LMX1A: variants seen among roughly 807,000 people sequenced by gnomAD.
LMX1A encodes the protein LIM homeobox transcription factor 1-alpha.
Under a neutral mutation model 49.1 loss-of-function variants are expected in LMX1A, and 15 were observed. That is an observed-to-expected ratio of 0.31 (90% CI 0.20 to 0.47). The LOEUF is 0.47. Ranked by LOEUF, LMX1A falls within the 20% of genes least tolerant of loss-of-function variation. The pLI is 1.00. For synonymous variants in LMX1A, 167 were observed against 185.7 expected, an observed-to-expected ratio of 0.90 and a Z score of 0.82; for missense variants, 372 against 475.8, an observed-to-expected ratio of 0.78 and a Z score of 2.03.
At chr1:165,353,035 T>C in intron 3 of LMX1A, 41 bp downstream of exon 3, 1 of 1,591,302 alleles carries the variant, frequency 6.3e-7, no homozygotes, top group South Asian at 1.1e-5. Flanking sequence ...CGCACACTGA[T>C]GCCAGTGCGC....
chr1:165,252,306 G>C (rs1653089710), intron 3 of LMX1A, among the ~76,000 whole-genome samples: 1 of 152,152 alleles, frequency 6.6e-6, no homozygotes, highest in African/African-American at 2.4e-5. Context: ...ACACATAATA[G>C]ATATCCAATA....
At chr1:165,208,526 G>T (rs1306523058) in intron 6 of LMX1A, among the ~76,000 whole-genome samples, 1 of 152,236 alleles carries the variant, frequency 6.6e-6, no homozygotes, top group African/African-American at 2.4e-5. Context: ...CTAAGAGGCT[G>T]TTCCTTTCCT....
chr1:165,215,987 G>A (rs1651629299), intron 4 of LMX1A: 1 of 152,156 alleles, frequency 6.6e-6, no homozygotes, highest in African/African-American at 2.4e-5. Context: ...GGTATGAAAA[G>A]GGTGTCTTTT....
intron 3 of LMX1A, among the ~76,000 whole-genome samples, chr1:165,264,420 G>GCACA (rs145931955): frequency 1.7e-4 from 26 of 151,218 alleles, no homozygotes; most frequent in African/African-American, 4.1e-4. Context: ...GCATATGCTC[G>GCACA]CACACACACA....
intron 3 of LMX1A, among the ~76,000 whole-genome samples, chr1:165,310,444 A>T (rs1655043729): frequency 6.6e-6 from 1 of 152,342 alleles, no homozygotes; most frequent in Admixed American, 6.5e-5. Flanking sequence ...ACAAAGTCAA[A>T]GTTGCCTCTA....
At chr1:165,301,012 C>G (rs1654759106) in intron 3 of LMX1A, among the ~76,000 whole-genome samples, 1 of 152,214 alleles carries the variant, frequency 6.6e-6, no homozygotes, top group African/African-American at 2.4e-5. Context: ...CAGATATCTG[C>G]TTTCCTTATT....
intron 3 of LMX1A, among the ~76,000 whole-genome samples, chr1:165,295,322 T>C (rs993388033): frequency 6.6e-6 from 1 of 151,662 alleles, no homozygotes; most frequent in African/African-American, 2.4e-5. Flanking sequence ...TATTTATAGA[T>C]AGTAAGATGA....
intron 4 of LMX1A, among the ~76,000 whole-genome samples, chr1:165,246,569 G>A (rs1652855360): frequency 6.6e-6 from 1 of 152,106 alleles, no homozygotes; most frequent in Admixed American, 6.5e-5. Flanking sequence ...CATTTCCTGT[G>A]TTAAATCAAA....
chr1:165,283,468 C>T lies in LMX1A; in HGVS notation c.264-33828G>A, dbSNP rs73013437. Among the ~76,000 whole-genome samples the T allele has an allele frequency of 3.5e-3, 532 of 152,238 alleles. 3 individuals carry two copies. Among genetic ancestry groups the T allele is most frequent in the African/African-American group, 0.012 (505 of 41,524 alleles). On this transcript the variant is annotated intron_variant, in intron 3 of 8. Transcript: ENST00000342310. ...TGGTCAAATGTCCTGCCTGGAACCT[C>T]CTCCTCCTCTTCTTTTTCCTCCTCT...
At chr1:165,354,933 A>C (rs577915516) in intron 2 of LMX1A, among the ~76,000 whole-genome samples, 253 of 152,160 alleles carry the variant, frequency 1.7e-3, no homozygotes, top group African/African-American at 6.0e-3. Flanking sequence ...ACAGGACCCG[A>C]CATCCAGCTC....
intron 3 of LMX1A, among the ~76,000 whole-genome samples, chr1:165,285,975 G>A (rs185805049): frequency 1.3e-4 from 20 of 152,270 alleles, no homozygotes; most frequent in Admixed American, 1.3e-3. Flanking sequence ...AGAAAAGACA[G>A]TCCAAGGCTT....
intron 4 of LMX1A, among the ~76,000 whole-genome samples, chr1:165,228,502 CAGG>C (rs973308644): frequency 6.6e-6 from 1 of 152,192 alleles, no homozygotes; most frequent in Non-Finnish European, 1.5e-5. Context: ...AGGCTGGCCC[CAGG>C]ATGATTTAGT....
Position 165,285,340 on chromosome 1 carries a change from G to A in LMX1A, c.264-35700C>T, listed in dbSNP as rs562377304. On this transcript the variant is annotated intron_variant, in intron 3 of 8. Transcript: ENST00000342310. ...TCAGCTATAAAATGAGACCCATTCA[G>A]ACTGTGTTTGAAAATCCTTCCAGTT... Among the ~76,000 whole-genome samples the A allele has an allele frequency of 3.3e-5, 5 of 152,296 alleles. No homozygotes were observed. In the South Asian group the frequency reaches 1.0e-3, roughly 32 times the overall value.
intron 3 of LMX1A, among the ~76,000 whole-genome samples, chr1:165,312,671 G>A (rs984200514): frequency 2.6e-5 from 4 of 152,148 alleles, no homozygotes; most frequent in South Asian, 2.1e-4. Context: ...ATCCCCAGCC[G>A]AGCTCCCAGG....
chr1:165,215,000 ACTT>A (rs1412433043), intron 4 of LMX1A, among the ~76,000 whole-genome samples: 2 of 152,110 alleles, frequency 1.3e-5, no homozygotes, highest in African/African-American at 4.8e-5. Flanking sequence ...TGTAAGAGAG[ACTT>A]CTTTTTACTT....
chr1:165,210,611 G>A (rs1398929118), intron 6 of LMX1A, 88 bp downstream of exon 6: 15 of 948,692 alleles, frequency 1.6e-5, no homozygotes, highest in African/African-American at 3.3e-5. Context: ...GCTAAGGCGA[G>A]AAAACCTGGC....
At chr1:165,317,661 C>A (rs1233390902) in intron 3 of LMX1A, among the ~76,000 whole-genome samples, 2 of 152,188 alleles carry the variant, frequency 1.3e-5, no homozygotes, top group Non-Finnish European at 2.9e-5. Context: ...CAGAAGATTT[C>A]TGCAAACTAT....
chr1:165,351,745 G>A (rs1656435639), intron 3 of LMX1A, among the ~76,000 whole-genome samples: 1 of 152,218 alleles, frequency 6.6e-6, no homozygotes, highest in Admixed American at 6.5e-5. Flanking sequence ...TGTGGTCACA[G>A]GGTCTAATCA....
At chr1:165,286,942 A>G (rs1051312974) in intron 3 of LMX1A, among the ~76,000 whole-genome samples, 4 of 152,236 alleles carry the variant, frequency 2.6e-5, no homozygotes, top group Non-Finnish European at 5.9e-5. Context: ...ACAGAGTCCA[A>G]GGTGAATCCA....
Sources: allele counts gnomAD v4.1 joint callset (sites outside exome capture counted in the v4.1 genomes callset), GRCh38; gene constraint gnomAD v4.1.1; transcripts MANE v1.5; gene names NCBI Gene and HGNC (gene_info 2026-07-23, HGNC 2026-07-21).